OPCML: variants seen among roughly 807,000 people sequenced by gnomAD.
OPCML encodes the protein opioid-binding protein/cell adhesion molecule.
In OPCML, 13 loss-of-function variants were observed where a neutral mutation model predicts 37.8. The ratio of observed to expected loss-of-function variants is 0.34; its 90% confidence interval spans 0.22 to 0.55. OPCML has a LOEUF of 0.55. Among genes scored for constraint, OPCML ranks in the 20% least tolerant of loss-of-function variants. The probability of loss-of-function intolerance (pLI) is 0.91; values close to 1 mark genes in which losing one functional copy is unlikely to be tolerated. For missense variants in OPCML, 341 were observed against 435.6 expected, an observed-to-expected ratio of 0.78 and a Z score of 1.93; for synonymous variants, 176 against 168.8, an observed-to-expected ratio of 1.04 and a Z score of -0.33.
At chr11:133,123,721 G>A (rs1949455186) in intron 1 of OPCML, among the ~76,000 whole-genome samples, 1 of 152,006 alleles carries the variant, frequency 6.6e-6, no homozygotes, top group Non-Finnish European at 1.5e-5. Context: ...CGCCTCCTGA[G>A]TGGCATCCTT....
chr11:132,872,551 G>GAGGCAAT (rs1942847208), intron 2 of OPCML, among the ~76,000 whole-genome samples: 14 of 152,116 alleles, frequency 9.2e-5, no homozygotes, highest in Admixed American at 9.2e-4. Flanking sequence ...GATTTCCAGT[G>GAGGCAAT]CCTACGGAAC....
chr11:133,065,602 C>G (rs1240013142), intron 1 of OPCML: 1 of 152,348 alleles, frequency 6.6e-6, no homozygotes, highest in Non-Finnish European at 1.5e-5. Flanking sequence ...GCAGTGCTCT[C>G]TGGTTTGCCA....
At chr11:133,152,504 C>G (rs1950000582) in intron 1 of OPCML, among the ~76,000 whole-genome samples, 1 of 152,140 alleles carries the variant, frequency 6.6e-6, no homozygotes, top group Non-Finnish European at 1.5e-5. Context: ...ATACCTCTTG[C>G]AATGCCCACC....
At chr11:132,585,536 A>G (rs537111338) in intron 3 of OPCML, among the ~76,000 whole-genome samples, 37 of 152,318 alleles carry the variant, frequency 2.4e-4, no homozygotes, top group Non-Finnish European at 3.2e-4. Flanking sequence ...AGCTGAGTCC[A>G]AAACAACAGC....
At chr11:132,635,946 T>G (rs1342243453) in intron 3 of OPCML, among the ~76,000 whole-genome samples, 1 of 152,118 alleles carries the variant, frequency 6.6e-6, no homozygotes, top group African/African-American at 2.4e-5. Context: ...TAAATTTAGA[T>G]AGCTACATGT....
At chr11:133,489,291 C>T (rs1350398027) in intron 1 of OPCML, among the ~76,000 whole-genome samples, 1 of 151,084 alleles carries the variant, frequency 6.6e-6, no homozygotes, top group Non-Finnish European at 1.5e-5. Context: ...CAACAGACCA[C>T]CTAAAGAACG....
chr11:133,194,961 G>C (rs1405491767), intron 1 of OPCML, among the ~76,000 whole-genome samples: 1 of 152,122 alleles, frequency 6.6e-6, no homozygotes, highest in Non-Finnish European at 1.5e-5. Context: ...AGCCTTTCAT[G>C]ATTAGTATCA....
At chr11:133,006,660 C>A (rs1004121779) in intron 1 of OPCML, 31 of 985,312 alleles carry the variant, frequency 3.1e-5, no homozygotes, top group African/African-American at 3.5e-5. Flanking sequence ...GTGGTCAGTG[C>A]CCTTCCCTGA....
chr11:133,141,101 A>AAGAAGC (rs1565469405), intron 1 of OPCML, among the ~76,000 whole-genome samples: 3 of 139,814 alleles, frequency 2.1e-5, no homozygotes, highest in African/African-American at 7.7e-5. Flanking sequence ...GAAGGAGAAG[A>AAGAAGC]AGAAGCAGCT....
intron 1 of OPCML, among the ~76,000 whole-genome samples, chr11:133,062,086 G>A (rs935829305): frequency 6.6e-6 from 1 of 152,206 alleles, no homozygotes; most frequent in Non-Finnish European, 1.5e-5. Flanking sequence ...TAAGCTCTGT[G>A]TCATTCCAAG....
intron 1 of OPCML, among the ~76,000 whole-genome samples, chr11:133,133,176 G>A (rs1015381167): frequency 6.6e-6 from 1 of 152,166 alleles, no homozygotes; most frequent in African/African-American, 2.4e-5. Context: ...GGCTGAAGTG[G>A]AATCAGATGC....
chr11:133,489,843 T>A (rs1272463840), intron 1 of OPCML, among the ~76,000 whole-genome samples: 1 of 141,594 alleles, frequency 7.1e-6, no homozygotes, highest in Non-Finnish European at 1.5e-5. Context: ...TACATATATA[T>A]ATATATATAT....
intron 2 of OPCML, among the ~76,000 whole-genome samples, chr11:132,913,578 A>AC (rs1476429505): frequency 6.6e-6 from 1 of 151,852 alleles, no homozygotes; most frequent in Non-Finnish European, 1.5e-5. Flanking sequence ...AGGCCATCTG[A>AC]CCCCTCCTCA....
chr11:132,861,563 G>A (rs543890468), intron 2 of OPCML, among the ~76,000 whole-genome samples: 5 of 152,186 alleles, frequency 3.3e-5, no homozygotes, highest in Admixed American at 2.6e-4. Context: ...TTGGCTGGGC[G>A]CGGTGGCTCA....
At position 132,631,352 on chromosome 11, in the gene OPCML, CATAT is replaced by C. The variant is rs61450463; in HGVS notation, c.379+25731_379+25734del. On this transcript the variant is annotated intron_variant, in intron 3 of 7. Transcript: ENST00000524381. ...TAAAAGAAAAAAATAACCATATATA[CATAT>C]ATATATATATATATATATATCTCCT... Among the ~76,000 whole-genome samples the C allele has an allele frequency of 9.6e-3, 1,377 of 142,720 alleles. 13 individuals are homozygous for C. The highest frequency in any genetic ancestry group is 0.031 in the African/African-American group (1,180 of 38,410). 93.6% of individuals were successfully genotyped at this position (142,720 alleles called of 152,430 possible).
chr11:133,150,920 C>G (rs1949972151), intron 1 of OPCML, among the ~76,000 whole-genome samples: 1 of 152,030 alleles, frequency 6.6e-6, no homozygotes, highest in South Asian at 2.1e-4. Context: ...GAAGCCACAT[C>G]CTCCCCTGCC....
intron 2 of OPCML, among the ~76,000 whole-genome samples, chr11:132,874,963 A>T (rs1452271358): frequency 2.0e-5 from 3 of 152,188 alleles, no homozygotes; most frequent in Non-Finnish European, 2.9e-5. Flanking sequence ...TTTAAGATAA[A>T]TACCAGCCCA....
chr11:133,022,902 T>G lies in OPCML; in HGVS notation c.62-79892A>C, dbSNP rs542268697. 1.8e-4 allele frequency among the ~76,000 whole-genome samples: 27 copies of G among 152,312 alleles called. No homozygotes were observed. In the South Asian group the frequency reaches 5.4e-3, roughly 30 times the overall value. ...GGAAACAGGAGCATTGGAGAGGAAA[T>G]GCTTGGAATCATGGGCTCTTGCTAG... On this transcript the variant is annotated intron_variant, in intron 1 of 7. Transcript: ENST00000524381.
intron 4 of OPCML, among the ~76,000 whole-genome samples, chr11:132,515,904 A>C (rs79607849): frequency 0.064 from 9,735 of 152,220 alleles, 414 homozygotes; most frequent in Middle Eastern, 0.16. Context: ...GGAAGGTCAA[A>C]ATTCTGGTGT....
Sources: gnomAD v4.1 joint callset for allele counts (sites outside exome capture counted in the v4.1 genomes callset) on GRCh38, gnomAD v4.1.1 for gene constraint, MANE v1.5 for transcripts, NCBI Gene and HGNC (gene_info 2026-07-23, HGNC 2026-07-21) for gene names.